Variants in MARCHF1 observed in about 807,000 individuals in gnomAD.
MARCHF1 encodes membrane associated ring-CH-type finger 1.
MARCHF1 carries 40 observed loss-of-function variants against 54.2 expected under a neutral mutation model. That is an observed-to-expected ratio of 0.74 (90% confidence interval 0.57 to 0.96). The LOEUF (loss-of-function observed/expected upper bound fraction) is 0.96. MARCHF1 is among the 40% of genes least tolerant of loss of function. The pLI is 0.00. For synonymous variants in MARCHF1, 236 were observed against 236.3 expected, an observed-to-expected ratio of 1.00 and a Z score of 0.01; for missense variants, 586 against 656.5, an observed-to-expected ratio of 0.89 and a Z score of 1.17.
chr4:164,158,513 C>T (rs1027389243), intron 1 of MARCHF1, among the ~76,000 whole-genome samples: 5 of 151,964 alleles, frequency 3.3e-5, no homozygotes, highest in East Asian at 1.9e-4. Context: ...TGGTGACGGG[C>T]GCCTATAATC....
At chr4:163,902,309 A>C (rs1750961534) in intron 3 of MARCHF1, among the ~76,000 whole-genome samples, 3 of 152,214 alleles carry the variant, frequency 2.0e-5, no homozygotes, top group Admixed American at 2.0e-4. Flanking sequence ...AATATTAAGA[A>C]GGCAATACAC....
intron 4 of MARCHF1, among the ~76,000 whole-genome samples, chr4:163,740,643 C>A (rs903801832): frequency 6.6e-6 from 1 of 152,086 alleles, no homozygotes. Context: ...TGTCTCCCTT[C>A]GAAGGATCTT....
chr4:164,009,198 A>T (rs1753364042), intron 2 of MARCHF1, among the ~76,000 whole-genome samples: 1 of 152,046 alleles, frequency 6.6e-6, no homozygotes, highest in African/African-American at 2.4e-5. Context: ...AATAACTTAG[A>T]AAACCTAAAA....
intron 2 of MARCHF1, among the ~76,000 whole-genome samples, chr4:164,031,488 A>G (rs1753877030): frequency 1.3e-5 from 2 of 151,574 alleles, no homozygotes; most frequent in South Asian, 4.2e-4. Flanking sequence ...AGCTCTTATT[A>G]TTTTGAAATA....
intron 9 of MARCHF1, among the ~76,000 whole-genome samples, chr4:163,540,702 A>G (rs1312309966): frequency 1.3e-5 from 2 of 152,220 alleles, no homozygotes; most frequent in African/African-American, 4.8e-5. Flanking sequence ...GAAAAAACTG[A>G]GCTTCAGAGT....
intron 3 of MARCHF1, among the ~76,000 whole-genome samples, chr4:163,908,478 A>G (rs570503919): frequency 1.4e-3 from 220 of 152,326 alleles, no homozygotes; most frequent in African/African-American, 5.2e-3. Flanking sequence ...AGAAAATATC[A>G]ATAAAATTCC....
chr4:163,740,186 C>T (rs1473885291), intron 4 of MARCHF1, among the ~76,000 whole-genome samples: 1 of 152,158 alleles, frequency 6.6e-6, no homozygotes, highest in Non-Finnish European at 1.5e-5. Context: ...ATCCCCTGTC[C>T]TCCTAATCCC....
In MARCHF1 at chr4:164,332,890, T is replaced by C. The variant is rs553113896; in HGVS notation, c.-323+50980A>G. ...CATTATTGCTATACATGAAAGTATA[T>C]AGTATAGTATAATGAAAGTATATAG... is the stretch of plus-strand genomic sequence containing the variant. On this transcript the variant is annotated intron_variant, in intron 1 of 9. Transcript: ENST00000514618. Among the ~76,000 whole-genome samples the C allele has an allele frequency of 5.3e-4, 81 of 152,184 alleles. 1 individual carries two copies. The highest frequency in any genetic ancestry group is 9.3e-4 in the Non-Finnish European group (63 of 68,014).
chr4:163,894,532 AAAGAT>A (rs1406395823), intron 3 of MARCHF1, among the ~76,000 whole-genome samples: 5 of 144,396 alleles, frequency 3.5e-5, no homozygotes, highest in African/African-American at 7.7e-5. Context: ...AATTTTGCTG[AAAGAT>A]AAGAAATCTA....
intron 4 of MARCHF1, among the ~76,000 whole-genome samples, chr4:163,794,809 A>G (rs897784410): frequency 2.6e-5 from 4 of 152,200 alleles, no homozygotes; most frequent in Non-Finnish European, 4.4e-5. Flanking sequence ...AGCTTTAAAA[A>G]ATTTTATTTT....
At chr4:164,194,782 A>C (rs1221838938) in intron 1 of MARCHF1, among the ~76,000 whole-genome samples, 1 of 152,174 alleles carries the variant, frequency 6.6e-6, no homozygotes, top group Non-Finnish European at 1.5e-5. Context: ...TACTAATTAA[A>C]TAATAAGTAA....
At chr4:164,059,862 AG>A (rs1579500291) in intron 2 of MARCHF1, among the ~76,000 whole-genome samples, 1 of 152,180 alleles carries the variant, frequency 6.6e-6, no homozygotes, top group East Asian at 1.9e-4. Context: ...TGTTTCATAA[AG>A]GTAGATAAAA....
At chr4:163,886,738 T>C (rs764128224) in intron 3 of MARCHF1, among the ~76,000 whole-genome samples, 16 of 152,108 alleles carry the variant, frequency 1.1e-4, no homozygotes, top group Non-Finnish European at 1.6e-4. Flanking sequence ...TAAGGAAAGA[T>C]AGTCTTTCAG....
chr4:163,840,901 A>G (rs143413211), intron 4 of MARCHF1, among the ~76,000 whole-genome samples: 189 of 152,250 alleles, frequency 1.2e-3, no homozygotes, highest in South Asian at 2.5e-3. Context: ...ATACAACTTA[A>G]ATGGGCATAT....
chr4:164,070,912 T>A (rs1183740729), intron 2 of MARCHF1, among the ~76,000 whole-genome samples: 1 of 152,202 alleles, frequency 6.6e-6, no homozygotes, highest in Non-Finnish European at 1.5e-5. Flanking sequence ...TCCTACTGTT[T>A]GCATGATAAT....
intron 2 of MARCHF1, among the ~76,000 whole-genome samples, chr4:163,997,938 AC>A (rs1560854609): frequency 1.1e-3 from 164 of 147,858 alleles, no homozygotes; most frequent in Non-Finnish European, 1.9e-3. Context: ...ACACACACAC[AC>A]ACACACACAC....
chr4:164,039,002 T>G (rs1754069461), intron 2 of MARCHF1, among the ~76,000 whole-genome samples: 3 of 152,114 alleles, frequency 2.0e-5, no homozygotes, highest in Non-Finnish European at 4.4e-5. Context: ...AGATAAACAC[T>G]TAAAGAAAAA....
At position 163,650,346 on chromosome 4, in the gene MARCHF1, G is replaced by T. The variant is rs115204817; in HGVS notation, c.163-36953C>A. 4.3e-3 allele frequency among the ~76,000 whole-genome samples: 660 copies of T among 151,946 alleles called. 10 individuals carry two copies. Among genetic ancestry groups the T allele is most frequent in the African/African-American group, 0.015 (634 of 41,496 alleles). On this transcript the variant is annotated intron_variant, in intron 5 of 9. Coordinates refer to ENST00000514618, the MANE Select transcript of MARCHF1 (RefSeq NM_001394959.1). The stretch of plus-strand genomic sequence containing the variant: ...TATTTATACAATGAAAAATACTAAG[G>T]TATTCAAAAAACATGAGACTTTGTG...
At chr4:163,543,324 C>G (rs142529874) in intron 9 of MARCHF1, among the ~76,000 whole-genome samples, 88 of 151,934 alleles carry the variant, frequency 5.8e-4, no homozygotes, top group Admixed American at 1.7e-3. Flanking sequence ...ATTCCAGAGG[C>G]ATTCGAGACA....
Sources: gnomAD v4.1 joint callset for allele counts (sites outside exome capture counted in the v4.1 genomes callset) on GRCh38, gnomAD v4.1.1 for gene constraint, MANE v1.5 for transcripts, NCBI Gene and HGNC (gene_info 2026-07-23, HGNC 2026-07-21) for gene names.